Variants in PTPRT observed in about 807,000 individuals in gnomAD.
The protein encoded by PTPRT is protein tyrosine phosphatase receptor type T.
A neutral mutation model predicts 176.8 loss-of-function variants in PTPRT; 56 were observed. That is an observed-to-expected ratio of 0.32 (90% confidence interval 0.26 to 0.40). The LOEUF (loss-of-function observed/expected upper bound fraction) is 0.40. Among genes scored for constraint, PTPRT ranks in the 10% least tolerant of loss-of-function variants. The pLI, the probability that PTPRT is intolerant of heterozygous loss-of-function variation, is 1.00. For missense variants in PTPRT, 1,540 were observed against 1,908.2 expected, an observed-to-expected ratio of 0.81 and a Z score of 3.60; for synonymous variants, 783 against 739.0, an observed-to-expected ratio of 1.06 and a Z score of -0.96.
chr20:42,871,446 A>G (rs952512668), intron 2 of PTPRT, among the ~76,000 whole-genome samples: 2 of 152,124 alleles, frequency 1.3e-5, no homozygotes, highest in African/African-American at 4.8e-5. Flanking sequence ...TTGTCTTTTA[A>G]TTCTGTTCCC....
chr20:42,341,918 A>G (rs1450714361), intron 11 of PTPRT, among the ~76,000 whole-genome samples: 2 of 152,148 alleles, frequency 1.3e-5, no homozygotes, highest in Admixed American at 6.5e-5. Flanking sequence ...CCTTGGTTGG[A>G]GCCTAAGTAA....
chr20:42,892,467 T>A (rs1288298690), intron 1 of PTPRT, among the ~76,000 whole-genome samples: 1 of 151,018 alleles, frequency 6.6e-6, no homozygotes, highest in Non-Finnish European at 1.5e-5. Context: ...GTTCTTTTAA[T>A]ATCCAGCAGT....
intron 5 of PTPRT, among the ~76,000 whole-genome samples, chr20:42,758,941 G>A (rs775039481): frequency 2.0e-5 from 3 of 152,256 alleles, no homozygotes; most frequent in Non-Finnish European, 4.4e-5. Context: ...CTTTGCAGGA[G>A]ATGGCACAAC....
intron 16 of PTPRT, among the ~76,000 whole-genome samples, chr20:42,183,471 G>C (rs1177762954): frequency 6.6e-6 from 1 of 152,146 alleles, no homozygotes; most frequent in Non-Finnish European, 1.5e-5. Context: ...TTGTACAAGA[G>C]AGCAAAAGCT....
At chr20:42,366,540 T>C (rs996478039) in intron 9 of PTPRT, among the ~76,000 whole-genome samples, 6 of 152,186 alleles carry the variant, frequency 3.9e-5, no homozygotes, top group African/African-American at 1.4e-4. Context: ...TGTCCAGTTC[T>C]TCTTCTGTCC....
At chr20:42,172,497 A>T (rs1990119581) in intron 16 of PTPRT, among the ~76,000 whole-genome samples, 1 of 152,214 alleles carries the variant, frequency 6.6e-6, no homozygotes, top group Admixed American at 6.6e-5. Context: ...TCAGCTGGTA[A>T]ACACCAGCCC....
intron 2 of PTPRT, among the ~76,000 whole-genome samples, chr20:42,847,428 A>G (rs1206257802): frequency 2.0e-5 from 3 of 152,182 alleles, no homozygotes; most frequent in Non-Finnish European, 4.4e-5. Flanking sequence ...GGCAGAGCCT[A>G]TACAGGCCAG....
intron 27 of PTPRT, among the ~76,000 whole-genome samples, chr20:42,089,976 T>A (rs539261699): frequency 3.9e-4 from 59 of 152,206 alleles, no homozygotes; most frequent in Non-Finnish European, 7.9e-4. Flanking sequence ...CATTTTGGTT[T>A]GCTTATGTTG....
intron 13 of PTPRT, among the ~76,000 whole-genome samples, chr20:42,256,454 C>T (rs768175874): frequency 3.3e-5 from 5 of 150,358 alleles, no homozygotes; most frequent in African/African-American, 4.9e-5. Flanking sequence ...AGGAGGGGTG[C>T]GAGAAGCCTG....
chr20:42,500,668 G>A (rs1220216051), intron 7 of PTPRT, among the ~76,000 whole-genome samples: 3 of 151,864 alleles, frequency 2.0e-5, no homozygotes, highest in African/African-American at 7.3e-5. Context: ...ACTTTCCCTT[G>A]GTTTTCAAGG....
At chr20:42,453,504 C>T (rs572082933) in intron 8 of PTPRT, among the ~76,000 whole-genome samples, 33 of 151,894 alleles carry the variant, frequency 2.2e-4, no homozygotes, top group Non-Finnish European at 3.8e-4. Flanking sequence ...TTATTAAATA[C>T]ACATGTGCCC....
chr20:42,277,772 C>T (rs2057066248), intron 13 of PTPRT, among the ~76,000 whole-genome samples: 1 of 151,878 alleles, frequency 6.6e-6, no homozygotes, highest in African/African-American at 2.4e-5. Context: ...CCATAGTGGA[C>T]ACTTTACCTC....
At chr20:42,404,068 C>T (rs1055012064) in intron 9 of PTPRT, among the ~76,000 whole-genome samples, 10 of 152,168 alleles carry the variant, frequency 6.6e-5, no homozygotes, top group African/African-American at 2.2e-4. Flanking sequence ...AATTCAGACC[C>T]GTTCACCCAA....
At chr20:42,580,567 T>A (rs1198135383) in intron 7 of PTPRT, among the ~76,000 whole-genome samples, 1 of 152,102 alleles carries the variant, frequency 6.6e-6, no homozygotes, top group Non-Finnish European at 1.5e-5. Context: ...GTTTGTATCC[T>A]CTTTTATTTC....
the PTPRT span, among the ~76,000 whole-genome samples, chr20:42,054,793 T>C: frequency 1.5e-4 from 23 of 152,190 alleles, no homozygotes; most frequent in Admixed American, 1.2e-3. Flanking sequence ...ATATGCCGAA[T>C]AGGTGCCCTC....
At chr20:42,525,057 T>C (rs761241275) in intron 7 of PTPRT, among the ~76,000 whole-genome samples, 2 of 152,176 alleles carry the variant, frequency 1.3e-5, no homozygotes, top group South Asian at 4.1e-4. Flanking sequence ...GTAAGATTAC[T>C]GATCACCGCA....
rs1435333158 is a variant in PTPRT, at chr20:42,999,724, T to C, written c.89-113792A>G. ...TAGGAGGCTGAGGCCAGAGGATCAC[T>C]TGAGCCCAGGAATTTGTAGCTGCAG... is the stretch of plus-strand genomic sequence containing the variant. On this transcript the variant is annotated intron_variant, in intron 1 of 30. Coordinates refer to ENST00000373187, the MANE Select transcript of PTPRT (RefSeq NM_007050.6). Among the ~76,000 whole-genome samples, 3 of 152,016 alleles carry C rather than the reference T, an allele frequency of 2.0e-5. 1 individual carries two copies. The highest frequency in any genetic ancestry group is 1.3e-4 in the Admixed American group (2 of 15,256).
intron 16 of PTPRT, among the ~76,000 whole-genome samples, chr20:42,193,973 C>T (rs1046548714): frequency 1.6e-4 from 25 of 152,190 alleles, no homozygotes; most frequent in African/African-American, 5.3e-4. Flanking sequence ...ATTCTCATTA[C>T]GACTCTGCAA....
chr20:42,532,312 A>C lies in PTPRT; in HGVS notation c.1154-59750T>G, dbSNP rs117826181. On this transcript the variant is annotated intron_variant, in intron 7 of 30. Transcript: ENST00000373187. ...TAAGGAATGCACAAGTGCTTAGCACAAAGTGGGATGTCAGTGCATGGCATG... is the reference window on the plus strand; with the variant it reads ...TAAGGAATGCACAAGTGCTTAGCACCAAGTGGGATGTCAGTGCATGGCATG... Among the ~76,000 whole-genome samples, 9 of 152,342 alleles carry C rather than the reference A, an allele frequency of 5.9e-5. No individual in the cohort carries two copies. The East Asian group carries it at 1.5e-3, about 26-fold the overall frequency.
Sources: gnomAD v4.1 joint callset for allele counts (sites outside exome capture counted in the v4.1 genomes callset) on GRCh38, gnomAD v4.1.1 for gene constraint, MANE v1.5 for transcripts, NCBI Gene and HGNC (gene_info 2026-07-23, HGNC 2026-07-21) for gene names.